The following RECQL5 variants were observed in gnomAD, a reference collection of about 807,000 sequenced individuals.
The protein encoded by RECQL5 is RecQ like helicase 5, also known as ATP-dependent DNA helicase Q5.
RECQL5 carries 88 observed loss-of-function variants against 103.4 expected under a neutral mutation model. That is an observed-to-expected ratio of 0.85 (90% CI 0.72 to 1.02). RECQL5 has a LOEUF of 1.02. Ranked by LOEUF, RECQL5 falls within the 50% of genes least tolerant of loss-of-function variation. RECQL5 has a pLI of 0.00. For missense variants in RECQL5, 1,232 were observed against 1,284.3 expected, an observed-to-expected ratio of 0.96 and a Z score of 0.62; for synonymous variants, 552 against 507.9, an observed-to-expected ratio of 1.09 and a Z score of -1.17.
rs1452350478 is a variant in RECQL5 at position 75,640,317 on chromosome 17, T to C, written c.1230-8649A>G. ...GAGATCGTGGCCTTCTCAGTCATCA[T>C]CCTTTTCACAGGTTAGTTGGGGCAC... On this transcript the variant is annotated intron_variant, in intron 8 of 19. Coordinates refer to ENST00000317905, the MANE Select transcript of RECQL5 (RefSeq NM_004259.7). This position sits in a 1 kb window ranked among gnomAD's most constrained non-coding sequence, Gnocchi z 4.6. The C allele has an allele frequency of 1.3e-6, 2 of 1,549,270 alleles. No homozygotes were observed. Among genetic ancestry groups the C allele is most frequent in the Non-Finnish European group, 1.7e-6 (2 of 1,145,740 alleles).
chr17:75,629,908 C>T, intron 14 of RECQL5, 66 bp from the exon 15 acceptor site: 1 of 1,533,232 alleles, frequency 6.5e-7, no homozygotes. Flanking sequence ...CCACCTAGCC[C>T]TCCTTTTCTA....
In RECQL5 at chr17:75,627,654, C is replaced by T. The variant is rs775738549; in HGVS notation, c.2844G>A (p.Leu948=). The stretch of plus-strand genomic sequence containing the variant: ...TTCCAGGAGAGGTCTTCTGAGTCAG[C>T]AAGTGTGAGAGGTGGCGGGCAAAGC... ...FKGFARHLSH[L]LTQKTSPGRS... The change falls in exon 19 of 20, where the codon TTG becomes TTA. Residue 948 remains leucine, a synonymous_variant. Coordinates refer to ENST00000317905, the MANE Select transcript of RECQL5 (RefSeq NM_004259.7). 1 of 1,612,064 alleles carries T rather than the reference C, an allele frequency of 6.2e-7. No individual in the cohort carries two copies. The highest frequency in any genetic ancestry group is 1.1e-5 in the South Asian group (1 of 90,830).
chr17:75,655,643 C>T (rs1436921284), intron 7 of RECQL5, among the ~76,000 whole-genome samples: 2 of 152,104 alleles, frequency 1.3e-5, no homozygotes, highest in East Asian at 1.9e-4. Flanking sequence ...GGATTACAGG[C>T]GTGAGCCACC....
At chr17:75,639,927 C>A in intron 8 of RECQL5, 1 of 370,774 alleles carries the variant, frequency 2.7e-6, no homozygotes. Flanking sequence ...CCGCCTTGGC[C>A]GGCAGCCCCC....
chr17:75,647,655 C>A, intron 8 of RECQL5: 1 of 1,264,710 alleles, frequency 7.9e-7, no homozygotes, highest in Non-Finnish European at 1.1e-6. Context: ...TTCCCTCTGG[C>A]TCAGGGGCCA....
At chr17:75,654,422 T>C (rs915918032) in intron 7 of RECQL5, among the ~76,000 whole-genome samples, 1 of 152,200 alleles carries the variant, frequency 6.6e-6, no homozygotes, top group Non-Finnish European at 1.5e-5. Context: ...CTCTCCAATA[T>C]TGTCCTGTGC....
chr17:75,664,327 C>T (rs1335516472), intron 3 of RECQL5, among the ~76,000 whole-genome samples: 1 of 152,112 alleles, frequency 6.6e-6, no homozygotes, highest in Non-Finnish European at 1.5e-5. Flanking sequence ...CATACTGTGC[C>T]CTTACCAAAA....
intron 8 of RECQL5, chr17:75,646,546 G>A (rs951577656): frequency 1.0e-4 from 16 of 152,430 alleles, no homozygotes; most frequent in Non-Finnish European, 1.5e-5. Context: ...CAGAAAGGGA[G>A]CCGTGGTTGC....
At chr17:75,664,070 A>AAG (rs1555714509) in intron 3 of RECQL5, among the ~76,000 whole-genome samples, 20 of 149,212 alleles carry the variant, frequency 1.3e-4, no homozygotes, top group East Asian at 5.8e-4. Context: ...AAAAAAAAAA[A>AAG]AAAGAAAGAA....
Position 75,640,859 on chromosome 17 carries a change from A to C in RECQL5, c.1230-9191T>G. 1 of 1,548,304 alleles carries C rather than the reference A, an allele frequency of 6.5e-7. No homozygotes were observed. ...CACTCACTGCTGCTGCCCTGAGCGG[A>C]GAGGCAGGAAGGTCCAGGTGCAGCC... is the stretch of plus-strand genomic sequence containing the variant. On this transcript the variant is annotated intron_variant, in intron 8 of 19. Transcript: ENST00000317905. This position sits in a 1 kb window ranked among gnomAD's most constrained non-coding sequence, Gnocchi z 4.6.
chr17:75,640,142 C>T lies in RECQL5; in HGVS notation c.1230-8474G>A. 1 of 1,491,466 alleles carries T rather than the reference C, an allele frequency of 6.7e-7. No homozygotes were observed. The highest frequency in any genetic ancestry group is 8.9e-7 in the Non-Finnish European group (1 of 1,123,132). The allele number at this position is 1,491,466 out of a possible 1,614,324, so 92.4% of individuals were successfully genotyped here. A position where few individuals can be genotyped will look rare whatever the true frequency, so the allele number is the denominator to read the frequency against. Reference sequence around the variant, plus strand: ...AGTGTGGGGCCAGCCGTGGAGGCTCCAGGTGTTCTCTCTGCCCCAGCAGAG... The same window carrying T: ...AGTGTGGGGCCAGCCGTGGAGGCTCTAGGTGTTCTCTCTGCCCCAGCAGAG... On this transcript the variant is annotated intron_variant, in intron 8 of 19. Coordinates refer to ENST00000317905, the MANE Select transcript of RECQL5 (RefSeq NM_004259.7). The surrounding 1 kb of genome is among the most constrained non-coding windows in gnomAD (Gnocchi z 4.6).
intron 2 of RECQL5, 39 bp downstream of exon 2, chr17:75,666,389 C>A: frequency 6.2e-7 from 1 of 1,611,798 alleles, no homozygotes; most frequent in Non-Finnish European, 8.5e-7. Flanking sequence ...TATGGTATAG[C>A]CAGCATAAAT....
intron 8 of RECQL5, among the ~76,000 whole-genome samples, chr17:75,641,927 C>CCCCT (rs1417696893): frequency 1.1e-4 from 16 of 152,160 alleles, no homozygotes; most frequent in African/African-American, 2.2e-4. Flanking sequence ...GGAGCAAATC[C>CCCCT]TGGTACTGCT....
At chr17:75,663,983 G>A (rs1328470654) in intron 3 of RECQL5, among the ~76,000 whole-genome samples, 1 of 151,444 alleles carries the variant, frequency 6.6e-6, no homozygotes, top group Non-Finnish European at 1.5e-5. Flanking sequence ...GAACCCGGGA[G>A]GCGGAGGTTG....
intron 14 of RECQL5, 39 bp downstream of exon 14, chr17:75,630,145 C>A (rs2059179255): frequency 1.3e-6 from 2 of 1,490,004 alleles, no homozygotes; most frequent in Non-Finnish European, 9.0e-7. Flanking sequence ...TATGGAGGGG[C>A]CCCTGCAACG....
rs1465490681 is a variant in RECQL5, at chr17:75,640,356, G to A, written c.1230-8688C>T. On this transcript the variant is annotated intron_variant, in intron 8 of 19. Transcript: ENST00000317905. The surrounding 1 kb of genome is among the most constrained non-coding windows in gnomAD (Gnocchi z 4.6). ...TAGTTGGGGCACTCAGCACCCCATG[G>A]CTCTCCCTGGCATCTGGGAGAGACC... The A allele has an allele frequency of 6.6e-7, 1 of 1,517,816 alleles. No individual in the cohort carries two copies. Among genetic ancestry groups the A allele is most frequent in the South Asian group, 1.3e-5 (1 of 79,808 alleles). 94.0% of individuals were successfully genotyped at this position (1,517,816 alleles called of 1,614,324 possible).
intron 8 of RECQL5, chr17:75,650,692 C>T (rs759485383): frequency 1.9e-6 from 3 of 1,613,918 alleles, no homozygotes; most frequent in East Asian, 2.2e-5. Context: ...AGCCCTCAGA[C>T]TCTTTCCGTG....
chr17:75,643,145 A>C (rs2059452512), intron 8 of RECQL5, among the ~76,000 whole-genome samples: 1 of 152,246 alleles, frequency 6.6e-6, no homozygotes, highest in South Asian at 2.1e-4. Flanking sequence ...TGCATTTTTC[A>C]TTCCCAGCAC....
At chr17:75,630,437 C>T in intron 13 of RECQL5, 160 bp from the exon 14 acceptor site, 1 of 867,538 alleles carries the variant, frequency 1.2e-6, no homozygotes, top group Non-Finnish European at 1.8e-6. Flanking sequence ...TCAGCAGCTG[C>T]TGGTAGCACC....
Sources: allele counts gnomAD v4.1 joint callset (sites outside exome capture counted in the v4.1 genomes callset), GRCh38; gene constraint gnomAD v4.1.1; non-coding constraint Gnocchi (gnomAD v3.1); transcripts MANE v1.5; gene names NCBI Gene and HGNC (gene_info 2026-07-23, HGNC 2026-07-21).